Variants in STAG1 observed in about 807,000 individuals in gnomAD.
STAG1 encodes the protein cohesin subunit SA-1.
In STAG1, 26 loss-of-function variants were observed where a neutral mutation model predicts 170.9. The observed-to-expected ratio is 0.15, with a 90% CI of 0.11 to 0.21. The LOEUF (loss-of-function observed/expected upper bound fraction) is 0.21. Among genes scored for constraint, STAG1 ranks in the 10% least tolerant of loss-of-function variants. The pLI is 1.00. For synonymous variants in STAG1, 514 were observed against 497.7 expected (o/e 1.03, Z -0.44); for missense variants, 964 against 1,509.5 (o/e 0.64, Z 5.99).
chr3:136,640,692 T>TA (rs1050820925), intron 1 of STAG1, among the ~76,000 whole-genome samples: 1 of 147,240 alleles, frequency 6.8e-6, no homozygotes, highest in Non-Finnish European at 1.5e-5. Flanking sequence ...TTTTTTTTTT[T>TA]AGACAGAGTC....
chr3:136,597,786 CTCT>C lies in STAG1; in HGVS notation c.297+6520_297+6522del, dbSNP rs1190414722. Among the ~76,000 whole-genome samples the C allele has an allele frequency of 6.0e-5, 9 of 150,668 alleles. No individual in the cohort carries two copies. The East Asian group carries it at 7.7e-4, about 13-fold the overall frequency. Reference sequence around the variant, plus strand: ...GCATCTTCATCTTCAATTGCTATAGCTCTTCTTTTTTTTTTTTAATGTATTGGC... The same window carrying C: ...GCATCTTCATCTTCAATTGCTATAGCTCTTTTTTTTTTTTAATGTATTGGC... On this transcript the variant is annotated intron_variant, in intron 4 of 33. Transcript: ENST00000383202.
intron 1 of STAG1, among the ~76,000 whole-genome samples, chr3:136,682,478 G>C (rs1451879234): frequency 1.3e-5 from 2 of 149,630 alleles, no homozygotes; most frequent in Non-Finnish European, 3.0e-5. Context: ...TATGGACAGA[G>C]AGGTGAGAAA....
intron 13 of STAG1, among the ~76,000 whole-genome samples, chr3:136,459,580 G>A (rs1310476756): frequency 2.0e-5 from 3 of 152,126 alleles, no homozygotes; most frequent in Non-Finnish European, 4.4e-5. Context: ...CATTTTTCTA[G>A]TAGCAAATGA....
intron 16 of STAG1, among the ~76,000 whole-genome samples, chr3:136,432,546 C>G (rs1322017439): frequency 6.8e-6 from 1 of 147,584 alleles, no homozygotes; most frequent in Non-Finnish European, 1.5e-5. Context: ...CTTGCTCTGT[C>G]ACCCAGGCTG....
intron 16 of STAG1, among the ~76,000 whole-genome samples, chr3:136,424,328 C>CTTTTTTT (rs60213699): frequency 8.5e-6 from 1 of 117,190 alleles, no homozygotes; most frequent in Non-Finnish European, 1.8e-5. Context: ...ATGGAACGAT[C>CTTTTTTT]TTTTTTTTTT....
intron 1 of STAG1, among the ~76,000 whole-genome samples, chr3:136,653,047 G>A (rs1439524653): frequency 6.6e-6 from 1 of 152,126 alleles, no homozygotes; most frequent in South Asian, 2.1e-4. Flanking sequence ...GGCCGAGGCA[G>A]GCAATACCTG....
intron 1 of STAG1, among the ~76,000 whole-genome samples, chr3:136,691,278 A>C (rs913230200): frequency 6.6e-6 from 1 of 152,108 alleles, no homozygotes; most frequent in East Asian, 1.9e-4. Context: ...TACTAAAAAT[A>C]CAAAAAATTA....
intron 1 of STAG1, among the ~76,000 whole-genome samples, chr3:136,692,535 T>G (rs1021287555): frequency 6.6e-6 from 1 of 151,852 alleles, no homozygotes; most frequent in African/African-American, 2.4e-5. Context: ...CTCAAGAGGC[T>G]GAGGCAGAAG....
rs575808072 is a variant in STAG1 at position 136,718,755 on chromosome 3, T to C, written c.-84+33440A>G. 5.3e-5 allele frequency among the ~76,000 whole-genome samples: 8 copies of C among 152,178 alleles called. No individual in the cohort carries two copies. In the South Asian group the frequency reaches 1.7e-3, roughly 32 times the overall value. On this transcript the variant is annotated intron_variant, in intron 1 of 33. Transcript: ENST00000383202. ...GCCTGGCCAACATGGCAAAACCCCA[T>C]TTCTACTACGAATACAAAAAAATTG...
chr3:136,511,402 C>T lies in STAG1; in HGVS notation c.677-8623G>A, dbSNP rs1298367557. ...TAAAGACATGGAATCAACCTTAATG[C>T]CCAGCAATGGTAGACTGGTTAAAGA... On this transcript the variant is annotated intron_variant, in intron 7 of 33. Transcript: ENST00000383202. 3.3e-5 allele frequency among the ~76,000 whole-genome samples: 5 copies of T among 152,166 alleles called. No homozygotes were observed. In the East Asian group the frequency reaches 9.6e-4, roughly 29 times the overall value.
At chr3:136,429,899 C>A (rs1431374710) in intron 16 of STAG1, among the ~76,000 whole-genome samples, 2 of 152,048 alleles carry the variant, frequency 1.3e-5, no homozygotes, top group Non-Finnish European at 2.9e-5. Flanking sequence ...AAACTTTTTT[C>A]TCCTCTAGCT....
intron 1 of STAG1, among the ~76,000 whole-genome samples, chr3:136,670,515 C>CT (rs1345442002): frequency 1.3e-5 from 2 of 152,182 alleles, no homozygotes; most frequent in African/African-American, 4.8e-5. Context: ...GAATCTCACT[C>CT]TGTCGCCCAG....
intron 14 of STAG1, among the ~76,000 whole-genome samples, 198 bp from the exon 15 acceptor site, chr3:136,443,602 C>T (rs1286152685): frequency 6.6e-6 from 1 of 152,076 alleles, no homozygotes; most frequent in Non-Finnish European, 1.5e-5. Flanking sequence ...AACTTTTTAC[C>T]ATTTACAGTA....
chr3:136,720,948 T>C (rs2107929065), intron 1 of STAG1, among the ~76,000 whole-genome samples: 2 of 152,344 alleles, frequency 1.3e-5, no homozygotes, highest in East Asian at 3.9e-4. Flanking sequence ...GACATACCTA[T>C]TTATTACCAA....
intron 7 of STAG1, among the ~76,000 whole-genome samples, chr3:136,504,065 T>A (rs1933631940): frequency 6.6e-6 from 1 of 152,206 alleles, no homozygotes; most frequent in South Asian, 2.1e-4. Context: ...TATGTAAACA[T>A]ATGTGTTTTC....
intron 29 of STAG1, among the ~76,000 whole-genome samples, chr3:136,347,082 A>C (rs1270964345): frequency 8.7e-6 from 1 of 115,248 alleles, no homozygotes; most frequent in South Asian, 2.7e-4. Context: ...CTGTCTCATT[A>C]AAAAAAAAAA....
intron 9 of STAG1, among the ~76,000 whole-genome samples, chr3:136,480,648 G>A (rs1485534577): frequency 2.3e-5 from 1 of 43,238 alleles, no homozygotes; most frequent in Non-Finnish European, 5.1e-5. Context: ...GGATGGCATT[G>A]AATCTGTAAA....
intron 1 of STAG1, among the ~76,000 whole-genome samples, chr3:136,644,095 C>T (rs113100821): frequency 1.2e-3 from 177 of 152,230 alleles, no homozygotes; most frequent in African/African-American, 2.5e-3. Context: ...ACCAATAACA[C>T]AGTGTAGGCT....
intron 1 of STAG1, among the ~76,000 whole-genome samples, chr3:136,636,660 T>C (rs770262153): frequency 3.3e-4 from 50 of 152,234 alleles, no homozygotes; most frequent in Admixed American, 1.2e-3. Flanking sequence ...GTTAAGTTCC[T>C]ACAGCATACT....
Sources: allele counts gnomAD v4.1 joint callset (sites outside exome capture counted in the v4.1 genomes callset), GRCh38; gene constraint gnomAD v4.1.1; transcripts MANE v1.5; gene names NCBI Gene and HGNC (gene_info 2026-07-23, HGNC 2026-07-21).